The following PLAUR variants were observed in gnomAD, a reference collection of about 807,000 sequenced individuals.
PLAUR encodes urokinase plasminogen activator surface receptor.
Under a neutral mutation model 33.4 loss-of-function variants are expected in PLAUR, and 22 were observed. The observed-to-expected ratio is 0.66, with a 90% CI of 0.47 to 0.94. The LOEUF (loss-of-function observed/expected upper bound fraction) is 0.94, where lower values mean the gene tolerates loss of function less well. Ranked by LOEUF, PLAUR falls within the 40% of genes least tolerant of loss-of-function variation. The probability of loss-of-function intolerance (pLI) is 0.00; values close to 1 mark genes in which losing one functional copy is unlikely to be tolerated. For missense variants in PLAUR, 408 were observed against 434.7 expected (o/e 0.94, Z 0.55); for synonymous variants, 148 against 167.3 (o/e 0.88, Z 0.89).
At chr19:43,655,184 G>C (rs1308214371) in intron 5 of PLAUR, among the ~76,000 whole-genome samples, 1 of 150,538 alleles carries the variant, frequency 6.6e-6, no homozygotes, top group African/African-American at 2.5e-5. Flanking sequence ...GGCTGAAGCA[G>C]GAGAATCGCT....
At position 43,667,589 on chromosome 19, in the gene PLAUR, A is replaced by C. The variant is rs756583648; in HGVS notation, c.158T>G (p.Leu53Trp). The C allele has an allele frequency of 2.5e-6, 4 of 1,611,938 alleles. No individual in the cohort carries two copies. The highest frequency in any genetic ancestry group is 1.7e-4 in the Middle Eastern group (1 of 6,042). Residue 53 changes from leucine to tryptophan, a missense_variant, in exon 2 of 7, where the codon TTG becomes TGG. By Grantham distance (61) the Leu-to-Trp change is moderately conservative. Transcript: ENST00000340093. ...QDLCRTTIVR[L>W]WEEGEELELV... ...GTTGGGGGGAAGCTCACCTTCCCAC[A>C]AGCGCACGATCGTGGTCCTGCAGAG...
chr19:43,670,157 C>G lies in PLAUR; in HGVS notation c.-37G>C. 6.2e-7 allele frequency: 1 copy of G among 1,601,904 alleles called. No homozygotes were observed. The highest frequency in any genetic ancestry group is 8.5e-7 in the Non-Finnish European group (1 of 1,174,776). On this transcript the variant is annotated 5_prime_UTR_variant, in exon 1 of 7. Transcript: ENST00000340093. ...AGCTCCTGTGCGCGGGGTCCCTGCA[C>G]GTCTTCTCTCCTTCTGGCCTCAGGA...
At chr19:43,649,374 G>A (rs1973895326) in intron 6 of PLAUR, among the ~76,000 whole-genome samples, 1 of 151,904 alleles carries the variant, frequency 6.6e-6, no homozygotes, top group Admixed American at 6.6e-5. Flanking sequence ...GGACAACATA[G>A]CAAAACTCTG....
At chr19:43,668,358 T>C (rs1967357805) in intron 1 of PLAUR, 1 of 961,558 alleles carries the variant, frequency 1.0e-6, no homozygotes, top group Non-Finnish European at 1.2e-6. Flanking sequence ...TCGTCGAGGT[T>C]CTAGCCCCGC....
intron 2 of PLAUR, among the ~76,000 whole-genome samples, chr19:43,667,038 G>A (rs566395093): frequency 4.6e-4 from 69 of 151,502 alleles, no homozygotes; most frequent in African/African-American, 1.5e-3. Flanking sequence ...CACCACACTC[G>A]GCTAATTTTT....
intron 3 of PLAUR, among the ~76,000 whole-genome samples, chr19:43,662,435 T>G (rs1967041776): frequency 6.6e-6 from 1 of 151,864 alleles, no homozygotes; most frequent in African/African-American, 2.4e-5. Context: ...GAGGCGGAGG[T>G]TGCAGTGAGC....
In PLAUR at chr19:43,656,406, G is replaced by C. The variant is rs1017272731; in HGVS notation, c.472+73C>G. 3 of 1,344,884 alleles carry C rather than the reference G, an allele frequency of 2.2e-6. No individual in the cohort carries two copies. In the African/African-American group the frequency reaches 4.4e-5, roughly 20 times the overall value. The allele number at this position is 1,344,884 out of a possible 1,614,324, so 83.3% of individuals were successfully genotyped here. ...CCTTGCTGACATCCCTGTTACTTTG[G>C]GGTTGTTTGTTAAGTGCAGTCTTAG... On this transcript the variant is annotated intron_variant, in intron 4 of 6. Transcript: ENST00000340093.
intron 3 of PLAUR, among the ~76,000 whole-genome samples, chr19:43,658,937 A>G (rs975648166): frequency 2.0e-5 from 3 of 151,940 alleles, no homozygotes; most frequent in Admixed American, 6.6e-5. Context: ...CTTGAGCCCT[A>G]CTTTCTCTAA....
chr19:43,653,942 A>G (rs1034969355), intron 5 of PLAUR, among the ~76,000 whole-genome samples: 3 of 152,096 alleles, frequency 2.0e-5, no homozygotes, highest in African/African-American at 7.2e-5. Flanking sequence ...TGGCTAACAC[A>G]GTGAAACCCT....
At chr19:43,663,300 TAC>T (rs59542257) in intron 3 of PLAUR, among the ~76,000 whole-genome samples, 12,157 of 131,504 alleles carry the variant, frequency 0.092, 565 homozygotes, top group Middle Eastern at 0.11. Flanking sequence ...CTGTCACCCC[TAC>T]ACACACACAC....
chr19:43,650,027 T>C (rs1438860101), intron 6 of PLAUR, among the ~76,000 whole-genome samples: 4 of 151,918 alleles, frequency 2.6e-5, no homozygotes, highest in African/African-American at 9.7e-5. Context: ...TGTTTTTTTT[T>C]TTGAGATGGA....
rs1325767777 is a variant in PLAUR, at chr19:43,650,200, G to A, written c.755-1057C>T. Among the ~76,000 whole-genome samples, 20 of 150,202 alleles carry A rather than the reference G, an allele frequency of 1.3e-4. No homozygotes were observed. The South Asian group carries it at 1.5e-3, about 11-fold the overall frequency. Reference sequence around the variant, plus strand: ...TAATTTTTGTATTTCTAGTAGAGACGGGGTTTCACCATATTGGCCAGGCTG... The same window carrying A: ...TAATTTTTGTATTTCTAGTAGAGACAGGGTTTCACCATATTGGCCAGGCTG... On this transcript the variant is annotated intron_variant, in intron 6 of 6. Transcript: ENST00000340093.
downstream of PLAUR, chr19:43,646,640 G>A (rs1255164235): frequency 2.9e-6 from 2 of 682,376 alleles, no homozygotes; most frequent in Non-Finnish European, 5.4e-6. Context: ...ACTGGTCAAA[G>A]CAGTCACAGA....
chr19:43,655,418 C>A (rs1216638768), intron 5 of PLAUR, 21 bp downstream of exon 5: 1 of 1,613,128 alleles, frequency 6.2e-7, no homozygotes, highest in South Asian at 1.1e-5. Flanking sequence ...CCAGGCCTTG[C>A]CTGTGTCTCC....
chr19:43,661,229 C>T (rs564272258), intron 3 of PLAUR: 129 of 152,250 alleles, frequency 8.5e-4, no homozygotes, highest in Non-Finnish European at 1.4e-3. Context: ...CTCCAACCTC[C>T]GTCTTCTCAG....
intron 5 of PLAUR, among the ~76,000 whole-genome samples, 188 bp downstream of exon 5, chr19:43,655,251 T>C (rs1974154679): frequency 8.4e-6 from 1 of 119,408 alleles, no homozygotes; most frequent in Non-Finnish European, 1.6e-5. Flanking sequence ...CACTCCAGCC[T>C]GGGCAACAGA....
chr19:43,655,598 C>G, intron 4 of PLAUR, 25 bp from the exon 5 acceptor site: 1 of 1,603,078 alleles, frequency 6.2e-7, no homozygotes, highest in South Asian at 1.1e-5. Flanking sequence ...GGACAGAGGT[C>G]AGATGTCAGA....
chr19:43,660,326 C>T (rs4251850), intron 3 of PLAUR, among the ~76,000 whole-genome samples: 17,383 of 134,752 alleles, frequency 0.13, 1,084 homozygotes, highest in East Asian at 0.24. Context: ...CCACCATACC[C>T]GGCTAATTTT....
chr19:43,667,606 C>A lies in PLAUR; in HGVS notation c.141G>T (p.Arg47Ser). The change falls in exon 2 of 7, where the codon AGG becomes AGT. Residue 47 changes from arginine (R) to serine (S), a missense_variant. Arg to Ser is a moderately radical substitution (Grantham distance 110). Transcript: ENST00000340093. Reference sequence around the variant, plus strand: ...CTTCCCACAAGCGCACGATCGTGGTCCTGCAGAGGTCCTGTCCCAGGGCGC... The same window carrying A: ...CTTCCCACAAGCGCACGATCGTGGTACTGCAGAGGTCCTGTCCCAGGGCGC... ...EECALGQDLC[R>S]TTIVRLWEEG... is the part of the protein sequence containing the mutation. The A allele has an allele frequency of 1.2e-6, 2 of 1,613,900 alleles. No individual in the cohort carries two copies. Among genetic ancestry groups the A allele is most frequent in the South Asian group, 1.1e-5 (1 of 91,072 alleles).
Sources: allele counts gnomAD v4.1 joint callset (sites outside exome capture counted in the v4.1 genomes callset), GRCh38; gene constraint gnomAD v4.1.1; transcripts MANE v1.5; gene names NCBI Gene and HGNC (gene_info 2026-07-23, HGNC 2026-07-21).